The following SLC19A3 variants were observed in gnomAD, a reference collection of about 807,000 sequenced individuals.
SLC19A3 encodes solute carrier family 19 member 3.
SLC19A3 carries 31 observed loss-of-function variants against 40.2 expected under a neutral mutation model. The ratio of observed to expected loss-of-function variants is 0.77; its 90% confidence interval spans 0.58 to 1.04. SLC19A3 has a LOEUF of 1.04. Ranked by LOEUF, SLC19A3 falls within the 50% of genes least tolerant of loss-of-function variation. The probability of loss-of-function intolerance (pLI) is 0.00; values close to 1 mark genes in which losing one functional copy is unlikely to be tolerated. For synonymous variants in SLC19A3, 212 were observed against 227.5 expected (o/e 0.93, Z 0.61); for missense variants, 592 against 596.7 (o/e 0.99, Z 0.08).
intron 4 of SLC19A3, among the ~76,000 whole-genome samples, chr2:227,688,635 C>G (rs984193889): frequency 6.6e-6 from 1 of 152,228 alleles, no homozygotes; most frequent in East Asian, 1.9e-4. Context: ...TTCTGAATAC[C>G]TGGAAAGCCT....
At chr2:227,695,520 T>C (rs34315051) in intron 4 of SLC19A3, 78,845 of 243,570 alleles carry the variant, frequency 0.32, 14,961 homozygotes, top group Non-Finnish European at 0.42. Flanking sequence ...GGGACTCACC[T>C]GAGCCTGGGA....
chr2:227,709,950 G>A (rs923680076), intron 1 of SLC19A3, among the ~76,000 whole-genome samples: 7 of 152,054 alleles, frequency 4.6e-5, no homozygotes, highest in South Asian at 2.1e-4. Flanking sequence ...GAGGAGTTAG[G>A]GGGAATGGTT....
intron 1 of SLC19A3, among the ~76,000 whole-genome samples, chr2:227,715,909 C>A (rs1479830752): frequency 7.4e-6 from 1 of 135,206 alleles, no homozygotes; most frequent in Non-Finnish European, 1.5e-5. Context: ...GAGATCCCAG[C>A]CACTGCACTC....
intron 4 of SLC19A3, among the ~76,000 whole-genome samples, chr2:227,694,028 C>A (rs1695334073): frequency 6.6e-6 from 1 of 152,188 alleles, no homozygotes; most frequent in East Asian, 1.9e-4. Context: ...TATTATCTCA[C>A]TTCAATTTGA....
intron 4 of SLC19A3, among the ~76,000 whole-genome samples, chr2:227,689,386 A>G (rs1423037239): frequency 6.6e-6 from 1 of 152,250 alleles, no homozygotes; most frequent in Non-Finnish European, 1.5e-5. Flanking sequence ...AATAAATAAC[A>G]TACAAGAGAG....
rs1223744032 is a variant in SLC19A3, at chr2:227,698,984, A to C, written c.731T>G (p.Leu244Arg). Residue 244 changes from leucine to arginine, a missense_variant, in exon 3 of 6, where the codon CTG (leucine) becomes CGG (arginine). Transcript: ENST00000644224. ...CAGGCTGTTCAGCTGGCCCTTATTC[A>C]GCTTCCCTGAAGTGCTGAGTATTTC... ...TSEILSTSGK[L>R]NKGQLNSLKP... 6.2e-7 allele frequency: 1 copy of C among 1,614,180 alleles called. No homozygotes were observed. The highest frequency in any genetic ancestry group is 1.3e-5 in the African/African-American group (1 of 75,046).
intron 1 of SLC19A3, among the ~76,000 whole-genome samples, chr2:227,713,950 T>C (rs945969405): frequency 1.3e-5 from 2 of 151,378 alleles, no homozygotes; most frequent in African/African-American, 4.9e-5. Flanking sequence ...TTCATGCTGA[T>C]AGAAATCACA....
chr2:227,709,407 C>T (rs1293356994), intron 1 of SLC19A3, among the ~76,000 whole-genome samples: 1 of 152,082 alleles, frequency 6.6e-6, no homozygotes, highest in Admixed American at 6.6e-5. Flanking sequence ...ATCACTTGTA[C>T]CTGGGAAGTG....
intron 1 of SLC19A3, among the ~76,000 whole-genome samples, chr2:227,705,988 C>T (rs2106336834): frequency 6.6e-6 from 1 of 151,824 alleles, no homozygotes; most frequent in South Asian, 2.1e-4. Flanking sequence ...TTCGAGGCTG[C>T]AGTGAGCTGT....
chr2:227,692,517 A>G (rs184257008), intron 4 of SLC19A3, among the ~76,000 whole-genome samples: 2 of 152,326 alleles, frequency 1.3e-5, no homozygotes, highest in South Asian at 2.1e-4. Flanking sequence ...CTGGCTAAAT[A>G]CCCTCAAAAA....
chr2:227,705,447 A>AG (rs1337555386), intron 1 of SLC19A3, among the ~76,000 whole-genome samples: 1 of 151,302 alleles, frequency 6.6e-6, no homozygotes, highest in East Asian at 2.0e-4. Flanking sequence ...AAAAAAAAAA[A>AG]AAAGGTATAC....
At chr2:227,702,004 G>T (rs1559252541) in intron 2 of SLC19A3, 165 bp downstream of exon 2, 1 of 639,896 alleles carries the variant, frequency 1.6e-6, no homozygotes, top group African/African-American at 1.8e-5. Context: ...CAAGTAAGAA[G>T]AGGAAATAGT....
chr2:227,696,069 G>A lies in SLC19A3; in HGVS notation c.992C>T (p.Ala331Val), dbSNP rs765250819. The A allele has an allele frequency of 6.4e-7, 1 of 1,570,930 alleles. No individual in the cohort carries two copies. Among genetic ancestry groups the A allele is most frequent in the Non-Finnish European group, 8.6e-7 (1 of 1,163,646 alleles). The change falls in exon 4 of 6, where the codon GCC (alanine) becomes GTC (valine). Residue 331 changes from alanine (A) to valine (V), a missense_variant. Ala to Val is a moderately conservative substitution (Grantham distance 64, BLOSUM62 0). Transcript: ENST00000644224. Reference protein sequence around the residue: ...AIATFGGAVAAFAVGYVKVNW... With the variant: ...AIATFGGAVAVFAVGYVKVNW... ...GACTTTCACATAACCCACTGCAAAG[G>A]CAGCCACAGCCCCTGAAAAAAAACA...
At chr2:227,701,072 T>C in intron 2 of SLC19A3, 3 of 1,303,868 alleles carry the variant, frequency 2.3e-6, no homozygotes, top group Non-Finnish European at 3.0e-6. Flanking sequence ...TGACCCTGCA[T>C]CTGTCCTTTG....
chr2:227,715,322 G>GATTAGTTTTATGGTTTTCTTAGGC (rs1360804948), intron 1 of SLC19A3, among the ~76,000 whole-genome samples: 1 of 152,032 alleles, frequency 6.6e-6, no homozygotes, highest in African/African-American at 2.4e-5. Context: ...ACTAGACCCA[G>GATTAGTTTTATGGTTTTCTTAGGC]ATATTCAGTA....
chr2:227,716,957 G>A (rs895978585), intron 1 of SLC19A3, among the ~76,000 whole-genome samples: 1 of 125,946 alleles, frequency 7.9e-6, no homozygotes, highest in Non-Finnish European at 1.7e-5. Context: ...AGACACCAAT[G>A]TTTCAATATT....
At chr2:227,688,478 G>A (rs1328871090) in intron 4 of SLC19A3, among the ~76,000 whole-genome samples, 171 bp from the exon 5 acceptor site, 1 of 152,176 alleles carries the variant, frequency 6.6e-6, no homozygotes, top group African/African-American at 2.4e-5. Context: ...AAGAACAAGT[G>A]TCTCTGTCTG....
chr2:227,704,524 T>A (rs978358648), intron 1 of SLC19A3, among the ~76,000 whole-genome samples: 2 of 152,234 alleles, frequency 1.3e-5, no homozygotes, highest in Admixed American at 1.3e-4. Flanking sequence ...TAGTAAGATT[T>A]GTGCTCATTT....
rs397988111 is a variant in SLC19A3 at position 227,712,050 on chromosome 2, C to CAA, written c.-3+5891_-3+5892dup. Among the ~76,000 whole-genome samples, 332 of 65,438 alleles carry CAA rather than the reference C, an allele frequency of 5.1e-3. 33 individuals are homozygous for CAA. Among genetic ancestry groups the CAA allele is most frequent in the African/African-American group, 6.5e-3 (92 of 14,062 alleles). 42.9% of individuals were successfully genotyped at this position (65,438 alleles called of 152,430 possible). ...GGGCGACAGAATGAAACTCTGTCTC[C>CAA]AAAAAAAAAAAAAAAAAAAAAAAAA... On this transcript the variant is annotated intron_variant, in intron 1 of 5. Coordinates refer to ENST00000644224, the MANE Select transcript of SLC19A3 (RefSeq NM_025243.4).
Sources: gnomAD v4.1 joint callset for allele counts (sites outside exome capture counted in the v4.1 genomes callset) on GRCh38, gnomAD v4.1.1 for gene constraint, MANE v1.5 for transcripts, NCBI Gene and HGNC (gene_info 2026-07-23, HGNC 2026-07-21) for gene names.